Variants in PPP1R12B observed in about 807,000 individuals in gnomAD.
PPP1R12B encodes protein phosphatase 1 regulatory subunit 12B.
In PPP1R12B, 76 loss-of-function variants were observed where a neutral mutation model predicts 126.1. The ratio of observed to expected loss-of-function variants is 0.60; its 90% CI spans 0.50 to 0.73. PPP1R12B has a LOEUF of 0.73. PPP1R12B is among the 30% of genes least tolerant of loss of function. PPP1R12B has a pLI of 0.00. For synonymous variants in PPP1R12B, 356 were observed against 434.7 expected (o/e 0.82, Z 2.25); for missense variants, 1,052 against 1,205.1 (o/e 0.87, Z 1.88).
chr1:202,380,518 T>TA (rs766147314), intron 1 of PPP1R12B, among the ~76,000 whole-genome samples: 23 of 152,212 alleles, frequency 1.5e-4, no homozygotes, highest in Non-Finnish European at 3.1e-4. Context: ...ATTTGTTTCT[T>TA]ATCCATTTTA....
chr1:202,354,257 G>A (rs773295620), intron 1 of PPP1R12B, among the ~76,000 whole-genome samples: 1 of 152,012 alleles, frequency 6.6e-6, no homozygotes, highest in Non-Finnish European at 1.5e-5. Context: ...GTGCTCCTTG[G>A]TAGACAGCTC....
intron 1 of PPP1R12B, among the ~76,000 whole-genome samples, chr1:202,399,085 A>G (rs1665426525): frequency 6.6e-6 from 1 of 152,208 alleles, no homozygotes. Context: ...GCTACCAACT[A>G]ATAACAGCAC....
chr1:202,371,046 C>G (rs1660149974), intron 1 of PPP1R12B, among the ~76,000 whole-genome samples: 1 of 134,568 alleles, frequency 7.4e-6, no homozygotes, highest in East Asian at 2.3e-4. Flanking sequence ...CTCTCTGTCT[C>G]ACTCTGCCAC....
intron 19 of PPP1R12B, 136 bp from the exon 20 acceptor site, chr1:202,562,642 A>C (rs1041448546): frequency 2.0e-6 from 2 of 1,010,702 alleles, no homozygotes; most frequent in Non-Finnish European, 3.2e-6. Flanking sequence ...GATTGAAGGA[A>C]AGAATGTTAT....
intron 20 of PPP1R12B, among the ~76,000 whole-genome samples, chr1:202,563,640 AAAAAG>A (rs1190626741): frequency 2.0e-5 from 3 of 151,828 alleles, no homozygotes; most frequent in African/African-American, 4.8e-5. Flanking sequence ...AAAAAAAAAA[AAAAAG>A]AAAAGAAAAT....
chr1:202,510,746 T>G (rs1370535625), intron 18 of PPP1R12B, among the ~76,000 whole-genome samples: 1 of 151,868 alleles, frequency 6.6e-6, no homozygotes, highest in Non-Finnish European at 1.5e-5. Flanking sequence ...GCATTAGAGA[T>G]GCAAAAATGT....
chr1:202,510,206 G>A (rs1192567297), intron 18 of PPP1R12B, among the ~76,000 whole-genome samples: 1 of 152,128 alleles, frequency 6.6e-6, no homozygotes, highest in Non-Finnish European at 1.5e-5. Context: ...TAGAGCTAAG[G>A]GCGTGTGTAG....
At chr1:202,459,371 A>G (rs754681672) in intron 13 of PPP1R12B, among the ~76,000 whole-genome samples, 21 of 152,222 alleles carry the variant, frequency 1.4e-4, no homozygotes, top group Non-Finnish European at 2.9e-4. Context: ...TTATAATGTA[A>G]GTCTGTGAAG....
rs1314081544 is a variant in PPP1R12B at position 202,440,709 on chromosome 1, A to G, written c.1462A>G (p.Arg488Gly). Residue 488 changes from arginine to glycine, a missense_variant, in exon 11 of 24, where the codon AGA (arginine) becomes GGA (glycine). Arg to Gly is a moderately radical substitution (Grantham distance 125). Transcript: ENST00000608999. ...SALLDNKDKE[R>G]ENKSYISSLA... ...TTTACTTGTTTTTATTTTACAGGAG[A>G]GAGAAAACAAAAGCTATATTAGTTC... The G allele has an allele frequency of 6.2e-7, 1 of 1,611,020 alleles. No homozygotes were observed. Among genetic ancestry groups the G allele is most frequent in the East Asian group, 2.2e-5 (1 of 44,844 alleles).
intron 1 of PPP1R12B, among the ~76,000 whole-genome samples, chr1:202,355,857 T>C (rs149504451): frequency 6.6e-6 from 1 of 152,326 alleles, no homozygotes; most frequent in African/African-American, 2.4e-5. Flanking sequence ...TGAGGTACTC[T>C]GAAGACGTAC....
chr1:202,398,740 A>T (rs1409874003), intron 1 of PPP1R12B, among the ~76,000 whole-genome samples: 1 of 152,150 alleles, frequency 6.6e-6, no homozygotes, highest in Non-Finnish European at 1.5e-5. Flanking sequence ...GGCAAGGGTA[A>T]TGTCTTATGT....
intron 18 of PPP1R12B, among the ~76,000 whole-genome samples, chr1:202,510,589 G>A (rs1681346050): frequency 6.6e-6 from 1 of 152,044 alleles, no homozygotes; most frequent in Non-Finnish European, 1.5e-5. Context: ...CTGTCCTCCC[G>A]AAATACACAT....
chr1:202,559,710 G>T (rs1687327379), intron 19 of PPP1R12B, among the ~76,000 whole-genome samples: 1 of 152,100 alleles, frequency 6.6e-6, no homozygotes, highest in Non-Finnish European at 1.5e-5. Context: ...GTATTGAGCT[G>T]GTTCTGTCTT....
chr1:202,423,368 A>G (rs1669073704), intron 3 of PPP1R12B, among the ~76,000 whole-genome samples: 1 of 152,172 alleles, frequency 6.6e-6, no homozygotes, highest in Non-Finnish European at 1.5e-5. Flanking sequence ...TCCTTCTGCT[A>G]AACTACCTTA....
At chr1:202,397,845 C>T (rs756167544) in intron 1 of PPP1R12B, among the ~76,000 whole-genome samples, 1 of 152,162 alleles carries the variant, frequency 6.6e-6, no homozygotes, top group African/African-American at 2.4e-5. Context: ...TGAAGAAAAT[C>T]ATGATAGCAA....
Position 202,469,322 on chromosome 1 carries a change from C to T in PPP1R12B, c.1851-19211C>T, listed in dbSNP as rs115048043. On this transcript the variant is annotated intron_variant, in intron 13 of 23. Transcript: ENST00000608999. ...ATGAGCTAAGGCAGTTGTTGGTTTA[C>T]ATATTACTTTCTAGTGTGAGAAAAT... Among the ~76,000 whole-genome samples, 1,085 of 152,216 alleles carry T rather than the reference C, an allele frequency of 7.1e-3. 15 individuals are homozygous for T. The highest frequency in any genetic ancestry group is 0.024 in the African/African-American group (1,017 of 41,528).
chr1:202,488,696 G>T (rs1200711585), intron 14 of PPP1R12B, 73 bp downstream of exon 14: 9 of 1,275,738 alleles, frequency 7.1e-6, no homozygotes, highest in Non-Finnish European at 1.0e-5. Flanking sequence ...AAAACACACT[G>T]CAATATCCAT....
At chr1:202,396,588 A>C (rs965589920) in intron 1 of PPP1R12B, among the ~76,000 whole-genome samples, 1 of 152,134 alleles carries the variant, frequency 6.6e-6, no homozygotes, top group African/African-American at 2.4e-5. Flanking sequence ...AAAACAGAGA[A>C]ATTAGATGGG....
chr1:202,531,913 A>ATCTTTCTTGC (rs1683991349), intron 18 of PPP1R12B, among the ~76,000 whole-genome samples: 5 of 152,238 alleles, frequency 3.3e-5, no homozygotes, highest in Admixed American at 1.3e-4. Context: ...CTCACGCAAG[A>ATCTTTCTTGC]AAGAATTCAG....
Sources: allele counts gnomAD v4.1 joint callset (sites outside exome capture counted in the v4.1 genomes callset), GRCh38; gene constraint gnomAD v4.1.1; transcripts MANE v1.5; gene names NCBI Gene and HGNC (gene_info 2026-07-23, HGNC 2026-07-21).